The following NDUFA10 variants were observed in gnomAD, a reference collection of about 807,000 sequenced individuals.
The protein encoded by NDUFA10 is NADH:ubiquinone oxidoreductase subunit A10, also known as NADH dehydrogenase [ubiquinone] 1 alpha subcomplex subunit 10, mitochondrial.
NDUFA10 carries 40 observed loss-of-function variants against 47.8 expected under a neutral mutation model. The ratio of observed to expected loss-of-function variants is 0.84; its 90% CI spans 0.65 to 1.09. The LOEUF (loss-of-function observed/expected upper bound fraction) is 1.09, where lower values mean the gene tolerates loss of function less well. Among genes scored for constraint, NDUFA10 ranks in the 50% least tolerant of loss-of-function variants. The pLI is 0.00. For synonymous variants in NDUFA10, 183 were observed against 172.2 expected (o/e 1.06, Z -0.49); for missense variants, 413 against 451.1 (o/e 0.92, Z 0.76).
chr2:239,931,558 C>A (rs1574786745), intron 4 of NDUFA10, among the ~76,000 whole-genome samples: 1 of 152,218 alleles, frequency 6.6e-6, no homozygotes, highest in Non-Finnish European at 1.5e-5. Context: ...GTCTTTCCCC[C>A]AAGCAGGGTC....
exon 5 of NDUFA10, chr2:239,895,227 C>T (rs1315550775): frequency 2.1e-6 from 1 of 466,480 alleles, no homozygotes; most frequent in Non-Finnish European, 4.4e-6. Context: ...ACTTAGGAGT[C>T]TTCTCCACAC....
chr2:239,968,416 G>A (rs772998088), intron 9 of NDUFA10, among the ~76,000 whole-genome samples: 1 of 152,238 alleles, frequency 6.6e-6, no homozygotes, highest in Admixed American at 6.5e-5. Context: ...TTCAGTTAAC[G>A]TGAACTATGC....
chr2:239,964,165 G>C (rs1385860408), intron 9 of NDUFA10, among the ~76,000 whole-genome samples: 1 of 152,130 alleles, frequency 6.6e-6, no homozygotes, highest in Non-Finnish European at 1.5e-5. Context: ...TCCAGAACCT[G>C]TGAACACATG....
chr2:239,985,762 T>C (rs1159372606), intron 9 of NDUFA10, among the ~76,000 whole-genome samples: 1 of 151,722 alleles, frequency 6.6e-6, no homozygotes, highest in Non-Finnish European at 1.5e-5. Context: ...ATACAAAAAA[T>C]TAGCTGGGCA....
chr2:239,952,794 C>T (rs1694578792), downstream of NDUFA10, among the ~76,000 whole-genome samples: 1 of 152,196 alleles, frequency 6.6e-6, no homozygotes, highest in Non-Finnish European at 1.5e-5. Context: ...ACGGCAGACG[C>T]GAGGCTCTGC....
chr2:240,013,271 GT>G (rs1470093249), intron 5 of NDUFA10: 2 of 152,180 alleles, frequency 1.3e-5, no homozygotes, highest in African/African-American at 4.8e-5. Flanking sequence ...TACTGATAAT[GT>G]GATGTCTTTT....
intron 9 of NDUFA10, among the ~76,000 whole-genome samples, chr2:239,983,869 G>T (rs556573870): frequency 3.3e-5 from 5 of 152,288 alleles, no homozygotes; most frequent in African/African-American, 1.2e-4. Context: ...TTCTAGACGG[G>T]GTATTGGAAC....
At chr2:239,947,111 C>T (rs1159259192) in intron 4 of NDUFA10, among the ~76,000 whole-genome samples, 4 of 152,204 alleles carry the variant, frequency 2.6e-5, no homozygotes, top group Non-Finnish European at 4.4e-5. Context: ...AGCTGGGATC[C>T]AGGCTGCAGT....
At chr2:239,962,517 C>T (rs1694898093) in intron 9 of NDUFA10, among the ~76,000 whole-genome samples, 1 of 152,228 alleles carries the variant, frequency 6.6e-6, no homozygotes, top group African/African-American at 2.4e-5. Flanking sequence ...CTTCAAGGCC[C>T]AGGAGCCACC....
At chr2:239,947,412 G>A (rs933267197) in intron 4 of NDUFA10, among the ~76,000 whole-genome samples, 1 of 152,212 alleles carries the variant, frequency 6.6e-6, no homozygotes, top group Non-Finnish European at 1.5e-5. Context: ...CGCCCCGCTG[G>A]GCTTCCTGCA....
chr2:239,993,634 TA>T lies in NDUFA10; in HGVS notation c.891-3453del, dbSNP rs201384112. Among the ~76,000 whole-genome samples the T allele has an allele frequency of 7.5e-3, 1,138 of 152,150 alleles. 21 individuals carry two copies. The highest frequency in any genetic ancestry group is 0.026 in the African/African-American group (1,067 of 41,508). ...AGAAAACAGGGTCACTGTGACTTTTTAAAAAAATAAACCTGGTGGGAGTGGG... is the reference window on the plus strand; with the variant it reads ...AGAAAACAGGGTCACTGTGACTTTTTAAAAAATAAACCTGGTGGGAGTGGG... On this transcript the variant is annotated intron_variant, in intron 8 of 9. Transcript: ENST00000252711.
At chr2:240,003,498 C>T (rs542925499) in intron 8 of NDUFA10, among the ~76,000 whole-genome samples, 1 of 152,210 alleles carries the variant, frequency 6.6e-6, no homozygotes, top group African/African-American at 2.4e-5. Context: ...AGGGCAGGCT[C>T]AGGCCAAGGG....
chr2:239,956,022 A>G (rs10933618), downstream of NDUFA10, among the ~76,000 whole-genome samples: 1 of 151,934 alleles, frequency 6.6e-6, no homozygotes, highest in African/African-American at 2.4e-5. Context: ...GGAAAGGGGG[A>G]AAAAAACAGC....
intron 9 of NDUFA10, among the ~76,000 whole-genome samples, chr2:239,976,953 C>T (rs1695547230): frequency 6.6e-6 from 1 of 152,140 alleles, no homozygotes; most frequent in Non-Finnish European, 1.5e-5. Flanking sequence ...CTTAGAATTA[C>T]ACAAGGGCAA....
chr2:239,967,700 T>A (rs1403233839), intron 9 of NDUFA10, among the ~76,000 whole-genome samples: 1 of 152,158 alleles, frequency 6.6e-6, no homozygotes, highest in African/African-American at 2.4e-5. Context: ...ATTCTCCAGC[T>A]CCAGGTGAGG....
chr2:239,896,082 C>T (rs1693391035), intron 4 of NDUFA10, among the ~76,000 whole-genome samples: 1 of 152,224 alleles, frequency 6.6e-6, no homozygotes. Flanking sequence ...TGTGGCTTTC[C>T]CACAGACTCA....
intron 4 of NDUFA10, among the ~76,000 whole-genome samples, chr2:239,944,717 C>T (rs4130650): frequency 0.075 from 11,414 of 152,208 alleles, 950 homozygotes; most frequent in African/African-American, 0.21. Context: ...AGCTCGACAG[C>T]CCCTGGTGGT....
intron 4 of NDUFA10, among the ~76,000 whole-genome samples, chr2:239,915,344 CTCAGACACACACAAATAT>C (rs1693842714): frequency 5.1e-5 from 7 of 137,848 alleles, no homozygotes; most frequent in Admixed American, 7.1e-5. Flanking sequence ...CGAAGACATA[CTCAGACACACACAAATAT>C]ACAGACACAC....
chr2:239,901,183 T>C (rs1223618458), intron 4 of NDUFA10, among the ~76,000 whole-genome samples: 1 of 152,160 alleles, frequency 6.6e-6, no homozygotes. Flanking sequence ...TTAAAAATTA[T>C]GCTACATTGA....
Sources: gnomAD v4.1 joint callset for allele counts (sites outside exome capture counted in the v4.1 genomes callset) on GRCh38, gnomAD v4.1.1 for gene constraint, MANE v1.5 for transcripts, NCBI Gene and HGNC (gene_info 2026-07-23, HGNC 2026-07-21) for gene names.